MPP3: variants seen among roughly 807,000 people sequenced by gnomAD.
The protein encoded by MPP3 is MAGUK p55 subfamily member 3.
A neutral mutation model predicts 80.7 loss-of-function variants in MPP3; 48 were observed. That is an observed-to-expected ratio of 0.59 (90% confidence interval 0.47 to 0.76). MPP3 has a LOEUF of 0.76. Ranked by LOEUF, MPP3 falls within the 30% of genes least tolerant of loss-of-function variation. The pLI is 0.00. For missense variants in MPP3, 620 were observed against 763.0 expected, an observed-to-expected ratio of 0.81 and a Z score of 2.21; for synonymous variants, 311 against 297.6, an observed-to-expected ratio of 1.04 and a Z score of -0.46.
At chr17:43,828,115 A>G (rs1468565198) in intron 7 of MPP3, among the ~76,000 whole-genome samples, 3 of 152,158 alleles carry the variant, frequency 2.0e-5, no homozygotes, top group African/African-American at 7.2e-5. Context: ...GTAAAGGGGA[A>G]AGCTTTTTGT....
At chr17:43,825,629 G>A (rs893775005) in intron 9 of MPP3, 127 bp downstream of exon 9, 10 of 675,082 alleles carry the variant, frequency 1.5e-5, no homozygotes, top group Non-Finnish European at 2.7e-5. Context: ...ACACCATAAG[G>A]CCACTTTGCC....
At chr17:43,819,563 CTG>C (rs950561022) in intron 11 of MPP3, among the ~76,000 whole-genome samples, 13 of 152,178 alleles carry the variant, frequency 8.5e-5, no homozygotes, top group African/African-American at 2.9e-4. Context: ...TTTATATAAA[CTG>C]TGTGTTTGAA....
At chr17:43,807,031 G>A (rs949116165) in intron 19 of MPP3, among the ~76,000 whole-genome samples, 1 of 151,894 alleles carries the variant, frequency 6.6e-6, no homozygotes, top group Non-Finnish European at 1.5e-5. Context: ...GAGTGCAGTG[G>A]CGTGATTTTG....
chr17:43,823,720 C>T (rs1371948841), intron 10 of MPP3, among the ~76,000 whole-genome samples: 1 of 152,150 alleles, frequency 6.6e-6, no homozygotes, highest in Non-Finnish European at 1.5e-5. Context: ...TAGTAAGCCA[C>T]GTCAAATCCT....
intron 10 of MPP3, 128 bp from the exon 11 acceptor site, chr17:43,821,186 A>G (rs2045444207): frequency 1.2e-6 from 1 of 807,544 alleles, no homozygotes; most frequent in African/African-American, 1.7e-5. Flanking sequence ...TCAAATAGAA[A>G]GCTACTTGGA....
At chr17:43,827,329 C>CTTTTT (rs1197926220) in intron 8 of MPP3, among the ~76,000 whole-genome samples, 1 of 99,008 alleles carries the variant, frequency 1.0e-5, no homozygotes. Flanking sequence ...TTTTTTTTTT[C>CTTTTT]TTTTTTTTTT....
chr17:43,809,030 C>T lies in MPP3; in HGVS notation c.1507G>A (p.Val503Ile), dbSNP rs1197350705. The T allele has an allele frequency of 6.2e-7, 1 of 1,606,388 alleles. No homozygotes were observed. Among genetic ancestry groups the T allele is most frequent in the South Asian group, 1.1e-5 (1 of 90,010 alleles). Reference sequence around the variant, plus strand: ...CTTTTTTCCTGAATTGCAGGCTTTACAAATATAATATAGGGTTTAAATTCT... The same window carrying T: ...CTTTTTTCCTGAATTGCAGGCTTTATAAATATAATATAGGGTTTAAATTCT... The part of the protein sequence containing the change: ...TSEFKPYIIF[V>I]KPAIQEKRKT... Residue 503 changes from valine to isoleucine, a missense_variant, in exon 19 of 20, where the codon GTA becomes ATA. By Grantham distance (29) the Val-to-Ile change is conservative. Transcript: ENST00000398389.
In MPP3 at chr17:43,831,335, G is replaced by GTCTC; in HGVS notation, c.145-15_145-14insGAGA. On this transcript the variant is annotated splice_polypyrimidine_tract_variant and intron_variant, in intron 4 of 19. Transcript: ENST00000398389. Reference sequence around the variant, plus strand: ...CTTCTCATGAATCTGCAAAGACAGAGTATTTCAGATGCACCCTGGACACCA... The same window carrying GTCTC: ...CTTCTCATGAATCTGCAAAGACAGAGTCTCTATTTCAGATGCACCCTGGACACCA... The GTCTC allele has an allele frequency of 1.2e-6, 2 of 1,613,244 alleles. No homozygotes were observed. Among genetic ancestry groups the GTCTC allele is most frequent in the Non-Finnish European group, 1.7e-6 (2 of 1,179,348 alleles).
At chr17:43,831,343 G>C in intron 4 of MPP3, 22 bp from the exon 5 acceptor site, 1 of 1,611,768 alleles carries the variant, frequency 6.2e-7, no homozygotes, top group Non-Finnish European at 8.5e-7. Flanking sequence ...GAGTATTTCA[G>C]ATGCACCCTG....
chr17:43,816,759 C>G, intron 12 of MPP3, 62 bp from the exon 13 acceptor site: 1 of 1,524,638 alleles, frequency 6.6e-7, no homozygotes. Context: ...GACCCTGCGG[C>G]TGAGGGCAGC....
intron 10 of MPP3, among the ~76,000 whole-genome samples, chr17:43,823,096 G>A (rs1338786995): frequency 6.6e-6 from 1 of 152,094 alleles, no homozygotes; most frequent in Non-Finnish European, 1.5e-5. Context: ...TCCCAGTCCT[G>A]TACTGGTATT....
chr17:43,816,670 G>A lies in MPP3; in HGVS notation c.967+7C>T. 6.3e-7 allele frequency: 1 copy of A among 1,574,834 alleles called. No individual in the cohort carries two copies. The highest frequency in any genetic ancestry group is 8.6e-7 in the Non-Finnish European group (1 of 1,159,528). ...GCCTGTGGACAGCGGATAGATACTG[G>A]GCCTACCTTTGTCACAAGGCTGATC... On this transcript the variant is annotated splice_region_variant and intron_variant, in intron 13 of 19. Coordinates refer to ENST00000398389, the MANE Select transcript of MPP3 (RefSeq NM_001932.6).
chr17:43,802,655 C>A (rs1281574747), intron 19 of MPP3, among the ~76,000 whole-genome samples: 1 of 152,188 alleles, frequency 6.6e-6, no homozygotes, highest in African/African-American at 2.4e-5. Flanking sequence ...AGTTGTCTGA[C>A]AATTAGCCTG....
At position 43,811,217 on chromosome 17, in the gene MPP3, A is replaced by T; in HGVS notation, c.1256-12T>A. 6.2e-7 allele frequency: 1 copy of T among 1,608,654 alleles called. No homozygotes were observed. The highest frequency in any genetic ancestry group is 8.5e-7 in the Non-Finnish European group (1 of 1,175,200). ...GGGCCTGGTGGTATCTTTTAAAGAA[A>T]GAAGGAAAGCTGGGCAAAGAGATGT... is the stretch of plus-strand genomic sequence containing the variant. On this transcript the variant is annotated splice_polypyrimidine_tract_variant and intron_variant, in intron 16 of 19. Coordinates refer to ENST00000398389, the MANE Select transcript of MPP3 (RefSeq NM_001932.6).
intron 19 of MPP3, among the ~76,000 whole-genome samples, chr17:43,808,053 A>T (rs2044692330): frequency 6.6e-6 from 1 of 152,136 alleles, no homozygotes; most frequent in Non-Finnish European, 1.5e-5. Context: ...CCAGGAGTTC[A>T]AGACCAGCCT....
chr17:43,806,658 A>G lies in MPP3; in HGVS notation c.1581+2298T>C, dbSNP rs199595368. On this transcript the variant is annotated intron_variant, in intron 19 of 19. Coordinates refer to ENST00000398389, the MANE Select transcript of MPP3 (RefSeq NM_001932.6). ...GAGTTTTGCTCTTGCTGCCCAGGCTATAGTGCGATGGCGCAATCTCGGCTC... is the reference window on the plus strand; with the variant it reads ...GAGTTTTGCTCTTGCTGCCCAGGCTGTAGTGCGATGGCGCAATCTCGGCTC... Among the ~76,000 whole-genome samples, 24 of 152,084 alleles carry G rather than the reference A, an allele frequency of 1.6e-4. No individual in the cohort carries two copies. The East Asian group carries it at 4.7e-3, about 30-fold the overall frequency.
chr17:43,817,334 G>C (rs918755796), intron 12 of MPP3, among the ~76,000 whole-genome samples: 2 of 152,176 alleles, frequency 1.3e-5, no homozygotes, highest in African/African-American at 4.8e-5. Context: ...GCTTAGAAAA[G>C]ATAGCTGACT....
rs534865518 is a variant in MPP3 at position 43,821,697 on chromosome 17, C to T, written c.685-639G>A. Among the ~76,000 whole-genome samples, 17 of 152,328 alleles carry T rather than the reference C, an allele frequency of 1.1e-4. No homozygotes were observed. In the East Asian group the frequency reaches 2.9e-3, roughly 26 times the overall value. On this transcript the variant is annotated intron_variant, in intron 10 of 19. Transcript: ENST00000398389. ...GTGTGAGGACACAGCATTTTTCACA[C>T]TTCCTTGTTCTCTTCGATAATTTAG...
rs758684987 is a variant in MPP3 at position 43,832,015 on chromosome 17, C to A, written c.-37-72G>T. 7 of 931,662 alleles carry A rather than the reference C, an allele frequency of 7.5e-6. No homozygotes were observed. In the East Asian group the frequency reaches 1.8e-4, roughly 24 times the overall value. The allele number at this position is 931,662 out of a possible 1,614,324, so 57.7% of individuals were successfully genotyped here. A position where few individuals can be genotyped will look rare whatever the true frequency, so the allele number is the denominator to read the frequency against. On this transcript the variant is annotated intron_variant, in intron 2 of 19. Transcript: ENST00000398389. ...TTTATTGAACAAACTGACTACACAT[C>A]TACTGTGTTCTCTGAGACCAGGCTG...
Sources: gnomAD v4.1 joint callset for allele counts (sites outside exome capture counted in the v4.1 genomes callset) on GRCh38, gnomAD v4.1.1 for gene constraint, MANE v1.5 for transcripts, NCBI Gene and HGNC (gene_info 2026-07-23, HGNC 2026-07-21) for gene names.